Variants in SHISA9 observed in about 807,000 individuals in gnomAD.
SHISA9 encodes the protein protein shisa-9.
A neutral mutation model predicts 38.0 loss-of-function variants in SHISA9; 13 were observed. The observed-to-expected ratio is 0.34, with a 90% CI of 0.22 to 0.54. SHISA9 has a LOEUF of 0.54. Ranked by LOEUF, SHISA9 falls within the 20% of genes least tolerant of loss-of-function variation. The probability of loss-of-function intolerance (pLI) is 0.91; values close to 1 mark genes in which losing one functional copy is unlikely to be tolerated. For missense variants in SHISA9, 538 were observed against 575.8 expected (o/e 0.93, Z 0.67); for synonymous variants, 275 against 242.0 (o/e 1.14, Z -1.27).
chr16:13,471,832 TA>T, the SHISA9 span, among the ~76,000 whole-genome samples: 14 of 152,106 alleles, frequency 9.2e-5, no homozygotes, highest in Non-Finnish European at 1.9e-4. Flanking sequence ...AGATATTCCT[TA>T]CACAGAATAT....
intron 2 of SHISA9, among the ~76,000 whole-genome samples, chr16:12,994,870 T>C (rs972197969): frequency 6.6e-6 from 1 of 152,046 alleles, no homozygotes; most frequent in Admixed American, 6.6e-5. Flanking sequence ...AAGAATTCAG[T>C]TTTAGTCTTG....
chr16:12,909,230 A>T lies in SHISA9; in HGVS notation c.563+6603A>T, dbSNP rs1001996773. 8 of 985,372 alleles carry T rather than the reference A, an allele frequency of 8.1e-6. No homozygotes were observed. In the Admixed American group the frequency reaches 2.5e-4, roughly 30 times the overall value. 61.0% of individuals were successfully genotyped at this position (985,372 alleles called of 1,614,324 possible). On this transcript the variant is annotated intron_variant, in intron 1 of 4. Transcript: ENST00000558583. The stretch of plus-strand genomic sequence containing the variant: ...TTAAAAATCAACTTCATTGAAGTAT[A>T]ATTTACACAATAAAATGCACACATT...
chr16:13,500,855 G>T, the SHISA9 span, among the ~76,000 whole-genome samples: 2 of 152,184 alleles, frequency 1.3e-5, no homozygotes, highest in African/African-American at 4.8e-5. Flanking sequence ...ATATGAACTA[G>T]AACTCCCAAT....
the SHISA9 span, among the ~76,000 whole-genome samples, chr16:13,268,857 G>A: frequency 5.3e-5 from 8 of 152,092 alleles, no homozygotes; most frequent in East Asian, 7.7e-4. Context: ...TACATATTAC[G>A]TGTCCAATTG....
chr16:13,110,721 A>G (rs1272505715), intron 2 of SHISA9, among the ~76,000 whole-genome samples: 1 of 152,222 alleles, frequency 6.6e-6, no homozygotes, highest in East Asian at 1.9e-4. Flanking sequence ...GTGATTGTAG[A>G]GTGACACATG....
At chr16:13,027,945 A>C (rs551155010) in intron 2 of SHISA9, among the ~76,000 whole-genome samples, 1 of 151,180 alleles carries the variant, frequency 6.6e-6, no homozygotes, top group African/African-American at 2.4e-5. Context: ...AAAAAAAAAA[A>C]AAAAAAAAAG....
chr16:12,909,685 G>C, intron 1 of SHISA9: 1 of 811,568 alleles, frequency 1.2e-6, no homozygotes, highest in Non-Finnish European at 1.5e-6. Context: ...ACCAGGCTTA[G>C]TTGCTTCCCA....
the SHISA9 span, among the ~76,000 whole-genome samples, chr16:13,332,208 C>T: frequency 6.6e-6 from 1 of 152,164 alleles, no homozygotes; most frequent in Non-Finnish European, 1.5e-5. Context: ...TCTGGGATGA[C>T]AAGTTGTCCT....
rs538710824 is a variant in SHISA9, at chr16:13,067,178, T to G, written c.692-136216T>G. On this transcript the variant is annotated intron_variant, in intron 2 of 4. Coordinates refer to ENST00000558583, the MANE Select transcript of SHISA9 (RefSeq NM_001145204.3). Reference sequence around the variant, plus strand: ...GTGCATGCTTGACTTAGCTTACACTTATTTTCTTTGCCCAGTACTGGGTGT... The same window carrying G: ...GTGCATGCTTGACTTAGCTTACACTGATTTTCTTTGCCCAGTACTGGGTGT... Among the ~76,000 whole-genome samples, 3 of 152,326 alleles carry G rather than the reference T, an allele frequency of 2.0e-5. No individual in the cohort carries two copies. The South Asian group carries it at 6.2e-4, about 32-fold the overall frequency.
intron 2 of SHISA9, among the ~76,000 whole-genome samples, chr16:12,963,087 G>A (rs1328874781): frequency 6.6e-6 from 1 of 152,224 alleles, no homozygotes; most frequent in African/African-American, 2.4e-5. Context: ...TTTCTGCTTA[G>A]GTTCGCCACA....
the SHISA9 span, among the ~76,000 whole-genome samples, chr16:13,528,560 C>T: frequency 6.6e-6 from 1 of 152,004 alleles, no homozygotes; most frequent in African/African-American, 2.4e-5. Context: ...ATATGAATCC[C>T]AAAAAGAAAG....
chr16:13,069,999 G>A (rs1166607205), intron 2 of SHISA9, among the ~76,000 whole-genome samples: 1 of 152,090 alleles, frequency 6.6e-6, no homozygotes, highest in Non-Finnish European at 1.5e-5. Context: ...CCAGGCTCTG[G>A]TGTTTTGTCG....
At chr16:13,434,958 C>G in the SHISA9 span, among the ~76,000 whole-genome samples, 2 of 152,152 alleles carry the variant, frequency 1.3e-5, no homozygotes, top group Non-Finnish European at 2.9e-5. Context: ...GCAGAGAAAG[C>G]CTTTGGGGCT....
At chr16:13,488,906 C>A in the SHISA9 span, among the ~76,000 whole-genome samples, 1 of 152,220 alleles carries the variant, frequency 6.6e-6, no homozygotes, top group East Asian at 1.9e-4. Flanking sequence ...GGACTACAGG[C>A]GCCTGCCACC....
At chr16:12,965,789 T>C (rs1400091992) in intron 2 of SHISA9, among the ~76,000 whole-genome samples, 2 of 152,224 alleles carry the variant, frequency 1.3e-5, no homozygotes, top group Non-Finnish European at 2.9e-5. Context: ...TGAGATGATA[T>C]ATGTAAAACA....
chr16:13,532,351 C>T, the SHISA9 span, among the ~76,000 whole-genome samples: 1 of 152,124 alleles, frequency 6.6e-6, no homozygotes, highest in Non-Finnish European at 1.5e-5. Flanking sequence ...GCAGAGGAAA[C>T]ACAGCTGGAG....
chr16:13,015,638 C>T (rs2072732605), intron 2 of SHISA9, among the ~76,000 whole-genome samples: 1 of 152,032 alleles, frequency 6.6e-6, no homozygotes, highest in Admixed American at 6.6e-5. Context: ...TAAAATTGCC[C>T]CTAAAGGCAT....
intron 2 of SHISA9, among the ~76,000 whole-genome samples, chr16:12,930,917 C>G (rs1205205612): frequency 6.6e-6 from 1 of 152,176 alleles, no homozygotes; most frequent in African/African-American, 2.4e-5. Context: ...CATCCAATGG[C>G]AAGCCCCAAG....
intron 2 of SHISA9, among the ~76,000 whole-genome samples, chr16:13,066,381 T>C (rs756266613): frequency 1.9e-4 from 29 of 152,228 alleles, no homozygotes; most frequent in South Asian, 1.4e-3. Flanking sequence ...CTTACCACCA[T>C]TACCATGTTT....
Sources: gnomAD v4.1 joint callset for allele counts (sites outside exome capture counted in the v4.1 genomes callset) on GRCh38, gnomAD v4.1.1 for gene constraint, MANE v1.5 for transcripts, NCBI Gene and HGNC (gene_info 2026-07-23, HGNC 2026-07-21) for gene names.